ADAMTS17: variants seen among roughly 807,000 people sequenced by gnomAD.
The protein encoded by ADAMTS17 is ADAM metallopeptidase with thrombospondin type 1 motif 17.
ADAMTS17 carries 113 observed loss-of-function variants against 141.5 expected under a neutral mutation model. That is an observed-to-expected ratio of 0.80 (90% confidence interval 0.69 to 0.93). The LOEUF (loss-of-function observed/expected upper bound fraction) is 0.93, where lower values mean the gene tolerates loss of function less well. ADAMTS17 is among the 40% of genes least tolerant of loss of function. ADAMTS17 has a pLI of 0.00. For missense variants in ADAMTS17, 1,659 were observed against 1,517.9 expected (o/e 1.09, Z -1.54); for synonymous variants, 768 against 630.6 (o/e 1.22, Z -3.27).
chr15:100,242,735 T>C (rs184747399), intron 7 of ADAMTS17, among the ~76,000 whole-genome samples: 15 of 152,362 alleles, frequency 9.8e-5, no homozygotes, highest in African/African-American at 1.7e-4. Flanking sequence ...ATCATTTTTC[T>C]TGGACAAAAT....
At chr15:100,229,465 C>T (rs1238148457) in intron 7 of ADAMTS17, among the ~76,000 whole-genome samples, 1 of 152,224 alleles carries the variant, frequency 6.6e-6, no homozygotes, top group Non-Finnish European at 1.5e-5. Flanking sequence ...TCAGTGGCTT[C>T]TGTTCTATGA....
intron 6 of ADAMTS17, among the ~76,000 whole-genome samples, chr15:100,254,451 A>G (rs995332571): frequency 1.3e-5 from 2 of 152,172 alleles, no homozygotes; most frequent in Admixed American, 1.3e-4. Context: ...CAGCAGCTGA[A>G]AATGTTTTGG....
At chr15:100,277,495 A>G (rs1201740791) in intron 4 of ADAMTS17, among the ~76,000 whole-genome samples, 1 of 152,192 alleles carries the variant, frequency 6.6e-6, no homozygotes, top group Non-Finnish European at 1.5e-5. Flanking sequence ...GTTGTAATGA[A>G]TGTTTATTCC....
intron 7 of ADAMTS17, among the ~76,000 whole-genome samples, chr15:100,210,766 G>A (rs2041774819): frequency 6.6e-6 from 1 of 151,154 alleles, no homozygotes; most frequent in Non-Finnish European, 1.5e-5. Context: ...AGGAGTTTGA[G>A]GCCAGCCCAG....
chr15:100,193,049 G>A (rs2141599542), intron 8 of ADAMTS17, among the ~76,000 whole-genome samples: 1 of 152,348 alleles, frequency 6.6e-6, no homozygotes, highest in Middle Eastern at 3.4e-3. Flanking sequence ...ACATCTGGCT[G>A]GAAGCATCCA....
intron 18 of ADAMTS17, among the ~76,000 whole-genome samples, chr15:100,042,422 C>T (rs1015848699): frequency 1.3e-5 from 2 of 152,212 alleles, no homozygotes; most frequent in Non-Finnish European, 2.9e-5. Context: ...CCTGTATATA[C>T]TATGCACAGA....
At chr15:100,335,081 C>T (rs1430906158) in intron 2 of ADAMTS17, among the ~76,000 whole-genome samples, 1 of 152,126 alleles carries the variant, frequency 6.6e-6, no homozygotes, top group Non-Finnish European at 1.5e-5. Flanking sequence ...GCATCAGCAC[C>T]CCCGGGGGAA....
intron 13 of ADAMTS17, 72 bp from the exon 14 acceptor site, chr15:100,109,188 T>C (rs1473671317): frequency 6.4e-7 from 1 of 1,551,400 alleles, no homozygotes; most frequent in Non-Finnish European, 8.7e-7. Flanking sequence ...CAGGTACATG[T>C]GGGCAGAGGG....
At chr15:100,281,796 G>A (rs756110467) in intron 3 of ADAMTS17, among the ~76,000 whole-genome samples, 3 of 152,182 alleles carry the variant, frequency 2.0e-5, no homozygotes, top group Non-Finnish European at 4.4e-5. Flanking sequence ...TGGATAACTG[G>A]ACCAAGGAAG....
At chr15:100,257,385 T>C (rs754397363) in intron 6 of ADAMTS17, among the ~76,000 whole-genome samples, 1 of 152,204 alleles carries the variant, frequency 6.6e-6, no homozygotes, top group Non-Finnish European at 1.5e-5. Context: ...TTCAAGGAGA[T>C]CTTCAATTTA....
intron 20 of ADAMTS17, among the ~76,000 whole-genome samples, chr15:99,981,604 G>GA (rs2060483600): frequency 2.0e-5 from 3 of 152,208 alleles, no homozygotes; most frequent in Non-Finnish European, 4.4e-5. Context: ...CATGTGTTAG[G>GA]TGAGAAGACA....
chr15:100,263,874 A>T (rs140040541), intron 4 of ADAMTS17, among the ~76,000 whole-genome samples: 45 of 152,328 alleles, frequency 3.0e-4, no homozygotes, highest in African/African-American at 1.0e-3. Context: ...ATCAGCAGCA[A>T]GCGTTAAGCA....
At chr15:100,231,953 T>A (rs2042496957) in intron 7 of ADAMTS17, among the ~76,000 whole-genome samples, 1 of 152,214 alleles carries the variant, frequency 6.6e-6, no homozygotes, top group Admixed American at 6.5e-5. Flanking sequence ...TCGTCCTTAG[T>A]CTCCACATCT....
chr15:100,172,007 C>A (rs1412970418), intron 8 of ADAMTS17, among the ~76,000 whole-genome samples: 2 of 152,178 alleles, frequency 1.3e-5, no homozygotes, highest in Non-Finnish European at 2.9e-5. Context: ...AGACCCACTT[C>A]CCCCAGCAAC....
chr15:100,200,349 GC>G (rs756900918), intron 7 of ADAMTS17, among the ~76,000 whole-genome samples: 1 of 152,090 alleles, frequency 6.6e-6, no homozygotes, highest in Non-Finnish European at 1.5e-5. Context: ...TTGGGTGCCG[GC>G]CCCTCTGGGG....
intron 15 of ADAMTS17, among the ~76,000 whole-genome samples, chr15:100,056,715 G>A (rs937211765): frequency 6.6e-6 from 1 of 152,070 alleles, no homozygotes; most frequent in African/African-American, 2.4e-5. Context: ...GGGGTCTGGG[G>A]ACTTCTGCTT....
chr15:100,080,765 A>G (rs1336367040), intron 15 of ADAMTS17, among the ~76,000 whole-genome samples: 5 of 152,348 alleles, frequency 3.3e-5, no homozygotes, highest in African/African-American at 9.6e-5. Flanking sequence ...ATCATGTGAC[A>G]TAACATTTAT....
chr15:100,099,762 G>C (rs35116176), intron 14 of ADAMTS17, among the ~76,000 whole-genome samples: 36,444 of 132,440 alleles, frequency 0.28, 5,283 homozygotes, highest in East Asian at 0.38. Flanking sequence ...GTATGAGATG[G>C]GATGGAACGG....
chr15:100,311,003 G>C (rs1209698899), intron 3 of ADAMTS17, among the ~76,000 whole-genome samples: 1 of 152,234 alleles, frequency 6.6e-6, no homozygotes, highest in Non-Finnish European at 1.5e-5. Context: ...GTCCCGGTGA[G>C]ACTTTCTGCT....
Sources: allele counts gnomAD v4.1 joint callset (sites outside exome capture counted in the v4.1 genomes callset), GRCh38; gene constraint gnomAD v4.1.1; transcripts MANE v1.5; gene names NCBI Gene and HGNC (gene_info 2026-07-23, HGNC 2026-07-21).